SMPX: variants seen among roughly 807,000 people sequenced by gnomAD.
SMPX encodes small muscle protein X-linked, also known as small muscular protein.
In SMPX, 2 loss-of-function variants were observed where a neutral mutation model predicts 6.3. The ratio of observed to expected loss-of-function variants is 0.32; its 90% CI spans 0.13 to 0.99. The LOEUF (loss-of-function observed/expected upper bound fraction) is 0.99, where lower values mean the gene tolerates loss of function less well. Ranked by LOEUF, SMPX falls within the 50% of genes least tolerant of loss-of-function variation. The pLI is 0.49. For synonymous variants in SMPX, 32 were observed against 24.7 expected, an observed-to-expected ratio of 1.30 and a Z score of -0.88; for missense variants, 60 against 66.8, an observed-to-expected ratio of 0.90 and a Z score of 0.36.
At chrX:21,754,528 C>T (rs926760512) in intron 1 of SMPX, among the ~76,000 whole-genome samples, 7 of 111,537 alleles carry the variant, frequency 6.3e-5, no homozygotes, top group South Asian at 3.8e-4. Flanking sequence ...AATGGTGAGA[C>T]GCCTCGCCCC....
chrX:21,740,276 T>G (rs1426005230), intron 3 of SMPX, among the ~76,000 whole-genome samples: 1 of 112,054 alleles, frequency 8.9e-6, no homozygotes, highest in African/African-American at 3.2e-5. Context: ...ATGGCCCCAT[T>G]TGGCTAATAA....
chrX:21,724,793 G>C (rs1422805565), intron 4 of SMPX, among the ~76,000 whole-genome samples: 1 of 112,245 alleles, frequency 8.9e-6, no homozygotes, highest in Non-Finnish European at 1.9e-5. Context: ...TTGTGAAGTT[G>C]GAAGTCATGT....
intron 3 of SMPX, among the ~76,000 whole-genome samples, chrX:21,738,564 A>G (rs2092812992): frequency 9.0e-6 from 1 of 110,623 alleles, no homozygotes; most frequent in African/African-American, 3.3e-5. Flanking sequence ...CCCCAGGGAA[A>G]GGTGTTGGAG....
chrX:21,718,220 A>G (rs1020023010), intron 4 of SMPX, among the ~76,000 whole-genome samples: 1 of 112,604 alleles, frequency 8.9e-6, no homozygotes, highest in Admixed American at 9.3e-5. Flanking sequence ...TAATGCTCCA[A>G]TTGTTCAGCG....
intron 4 of SMPX, among the ~76,000 whole-genome samples, chrX:21,713,142 G>A (rs1045276937): frequency 8.9e-6 from 1 of 112,163 alleles, no homozygotes; most frequent in Non-Finnish European, 1.9e-5. Context: ...GGCCTTTGAT[G>A]TATTATGAGG....
In SMPX at chrX:21,722,265, T is replaced by C. The variant is rs185266498; in HGVS notation, c.*14+15284A>G. On this transcript the variant is annotated intron_variant, in intron 4 of 4. Coordinates refer to ENST00000379494, the MANE Select transcript of SMPX (RefSeq NM_014332.3). ...AAGTGTTCAAATTTGGAAAACCTTT[T>C]GTGTTTTACTTCCACTACCTGGACA... Among the ~76,000 whole-genome samples the C allele has an allele frequency of 1.0e-3, 117 of 112,637 alleles. 1 individual carries two copies. In the East Asian group the frequency reaches 0.025, roughly 24 times the overall value.
In SMPX at chrX:21,737,562, A is replaced by G; in HGVS notation, c.*1T>C. 8.3e-7 allele frequency: 1 copy of G among 1,205,750 alleles called. No individual in the cohort carries two copies. The highest frequency in any genetic ancestry group is 1.1e-6 in the Non-Finnish European group (1 of 890,456). On this transcript the variant is annotated 3_prime_UTR_variant, in exon 4 of 5. Transcript: ENST00000379494. ...TTTTTCACTCACCTTTTTTCTTCCTACTACTGTTCAGCTTTGGGGACATAT... is the reference window on the plus strand; with the variant it reads ...TTTTTCACTCACCTTTTTTCTTCCTGCTACTGTTCAGCTTTGGGGACATAT...
intron 2 of SMPX, among the ~76,000 whole-genome samples, chrX:21,747,590 C>T (rs780787562): frequency 1.6e-3 from 179 of 111,687 alleles, no homozygotes; most frequent in African/African-American, 5.7e-3. Context: ...CCTCCACACC[C>T]CTTTCTGTGT....
intron 4 of SMPX, among the ~76,000 whole-genome samples, chrX:21,731,161 T>G (rs2092802696): frequency 9.0e-6 from 1 of 110,571 alleles, no homozygotes; most frequent in African/African-American, 3.3e-5. Context: ...TTGTTTAAGT[T>G]CCACAAGTTG....
intron 4 of SMPX, among the ~76,000 whole-genome samples, chrX:21,734,363 C>A (rs1239000511): frequency 9.0e-6 from 1 of 111,659 alleles, no homozygotes; most frequent in Non-Finnish European, 1.9e-5. Flanking sequence ...GTGGTATCTG[C>A]TACAACTGTA....
intron 4 of SMPX, among the ~76,000 whole-genome samples, chrX:21,717,551 A>G (rs2092786581): frequency 1.8e-5 from 2 of 112,792 alleles, no homozygotes; most frequent in African/African-American, 6.5e-5. Context: ...AAAAGTGGAA[A>G]GCAGAATTCC....
intron 4 of SMPX, among the ~76,000 whole-genome samples, chrX:21,714,814 G>A (rs1175831810): frequency 6.2e-5 from 7 of 112,448 alleles, no homozygotes; most frequent in African/African-American, 2.3e-4. Flanking sequence ...ATCCACTTTT[G>A]TGAATTGTGA....
At chrX:21,753,586 T>C (rs1334885239) in intron 2 of SMPX, among the ~76,000 whole-genome samples, 1 of 112,199 alleles carries the variant, frequency 8.9e-6, no homozygotes. Flanking sequence ...GTGGAAGCCA[T>C]TTGAGAGTCA....
intron 3 of SMPX, 64 bp from the exon 4 acceptor site, chrX:21,737,761 G>A (rs948000748): frequency 3.8e-5 from 41 of 1,082,250 alleles, no homozygotes; most frequent in Non-Finnish European, 4.9e-5. Context: ...TGGGCCATAA[G>A]CATGAACCAG....
intron 4 of SMPX, among the ~76,000 whole-genome samples, chrX:21,710,363 G>A (rs946957392): frequency 9.0e-6 from 1 of 111,310 alleles, no homozygotes; most frequent in South Asian, 3.8e-4. Context: ...GTATGCAAAG[G>A]TATACAGAGT....
intron 4 of SMPX, among the ~76,000 whole-genome samples, chrX:21,735,006 T>G (rs1446159839): frequency 1.8e-5 from 2 of 111,466 alleles, no homozygotes; most frequent in African/African-American, 6.5e-5. Flanking sequence ...GATGGACTTA[T>G]TCAATCTTCA....
At chrX:21,739,753 C>T (rs930144536) in intron 3 of SMPX, among the ~76,000 whole-genome samples, 1 of 112,007 alleles carries the variant, frequency 8.9e-6, no homozygotes, top group Non-Finnish European at 1.9e-5. Flanking sequence ...AATGTTTCCA[C>T]GGCTGTTAGG....
intron 4 of SMPX, among the ~76,000 whole-genome samples, 190 bp from the exon 5 acceptor site, chrX:21,706,584 G>A (rs2092773205): frequency 1.8e-5 from 2 of 111,684 alleles, no homozygotes; most frequent in South Asian, 3.8e-4. Context: ...TTTTTGTGAT[G>A]AGGACATTTA....
At chrX:21,731,113 T>C (rs2092802648) in intron 4 of SMPX, among the ~76,000 whole-genome samples, 1 of 111,212 alleles carries the variant, frequency 9.0e-6, no homozygotes, top group Non-Finnish European at 1.9e-5. Context: ...ATGTACCTTG[T>C]GATTTCTCCT....
Sources: gnomAD v4.1 joint callset for allele counts (sites outside exome capture counted in the v4.1 genomes callset) on GRCh38, gnomAD v4.1.1 for gene constraint, MANE v1.5 for transcripts, NCBI Gene and HGNC (gene_info 2026-07-23, HGNC 2026-07-21) for gene names.